Variants in SAXO1 observed in about 807,000 individuals in gnomAD.
SAXO1 encodes the protein stabilizer of axonemal microtubules 1.
A neutral mutation model predicts 17.5 loss-of-function variants in SAXO1; 21 were observed. That is an observed-to-expected ratio of 1.20 (90% CI 0.85 to 1.72). The LOEUF is 1.72. Ranked by LOEUF, SAXO1 falls within the 40% of genes most tolerant of loss-of-function variation. SAXO1 has a pLI of 0.00. For missense variants in SAXO1, 843 were observed against 596.0 expected (o/e 1.41, Z -4.32); for synonymous variants, 274 against 216.5 (o/e 1.27, Z -2.33).
At chr9:19,035,486 C>T (rs1048139503), upstream of SAXO1, among the ~76,000 whole-genome samples, 1 of 152,154 alleles carries the variant, frequency 6.6e-6, no homozygotes, top group African/African-American at 2.4e-5. Flanking sequence ...TGGACTAATA[C>T]AGTAAATTGG....
chr9:19,024,011 GCTT>G (rs1835364780), intron 1 of SAXO1, among the ~76,000 whole-genome samples: 2 of 72,426 alleles, frequency 2.8e-5, no homozygotes, highest in Admixed American at 1.5e-4. Context: ...ACTCTTTAAG[GCTT>G]TTTTTTTTTT....
chr9:18,944,429 C>A (rs147354065), intron 2 of SAXO1, among the ~76,000 whole-genome samples: 114 of 152,238 alleles, frequency 7.5e-4, no homozygotes, highest in Admixed American at 2.6e-3. Flanking sequence ...TTTAAATTCA[C>A]GTAAAAGAAA....
intron 1 of SAXO1, among the ~76,000 whole-genome samples, chr9:19,021,865 T>G (rs1312658018): frequency 6.6e-6 from 1 of 151,474 alleles, no homozygotes; most frequent in African/African-American, 2.4e-5. Context: ...CTCTGTAAAA[T>G]GGACCAATCA....
chr9:18,977,742 C>G (rs1195381672), intron 1 of SAXO1, among the ~76,000 whole-genome samples: 1 of 152,060 alleles, frequency 6.6e-6, no homozygotes, highest in African/African-American at 2.4e-5. Flanking sequence ...GGCTGTAAAT[C>G]CCAGCACTTT....
chr9:19,027,866 T>G (rs953332588), intron 1 of SAXO1: 152 of 1,358,056 alleles, frequency 1.1e-4, no homozygotes, highest in Non-Finnish European at 1.4e-4. Flanking sequence ...CCTGCTACGC[T>G]AGGGCGGCCT....
At chr9:19,022,772 C>A (rs1835302447) in intron 1 of SAXO1, among the ~76,000 whole-genome samples, 1 of 152,130 alleles carries the variant, frequency 6.6e-6, no homozygotes, top group African/African-American at 2.4e-5. Flanking sequence ...TGCTTAGCAG[C>A]TAATTTGACA....
chr9:18,938,289 G>A (rs1286871448), intron 3 of SAXO1, among the ~76,000 whole-genome samples: 2 of 152,160 alleles, frequency 1.3e-5, no homozygotes, highest in African/African-American at 4.8e-5. Context: ...CTGAGATTGG[G>A]TAATTTATAA....
intron 1 of SAXO1, among the ~76,000 whole-genome samples, chr9:19,019,183 T>G (rs2131012291): frequency 6.6e-6 from 1 of 152,326 alleles, no homozygotes; most frequent in Middle Eastern, 3.4e-3. Context: ...CAGCTTATTC[T>G]TCATATCACA....
At position 19,020,410 on chromosome 9, in the gene SAXO1, C is replaced by T. The variant is rs1287974421; in HGVS notation, c.38+12461G>A. On this transcript the variant is annotated intron_variant, in intron 1 of 3. Coordinates refer to ENST00000380534, the MANE Select transcript of SAXO1 (RefSeq NM_153707.4). ...CTGGGCTGGGATTCAGTGGTGCGATCTCAGCTCACTGCATCACTGCAACCT... is the reference window on the plus strand; with the variant it reads ...CTGGGCTGGGATTCAGTGGTGCGATTTCAGCTCACTGCATCACTGCAACCT... Among the ~76,000 whole-genome samples, 4 of 150,456 alleles carry T rather than the reference C, an allele frequency of 2.7e-5. No homozygotes were observed. In the East Asian group the frequency reaches 7.8e-4, roughly 29 times the overall value.
At chr9:18,986,662 GAA>G (rs34689797) in intron 1 of SAXO1, among the ~76,000 whole-genome samples, 17 of 152,006 alleles carry the variant, frequency 1.1e-4, no homozygotes, top group African/African-American at 4.1e-4. Flanking sequence ...AAGACTGAAA[GAA>G]AAGTTTACCT....
chr9:19,013,277 A>G (rs951501640), intron 1 of SAXO1, among the ~76,000 whole-genome samples: 1 of 152,212 alleles, frequency 6.6e-6, no homozygotes, highest in Non-Finnish European at 1.5e-5. Flanking sequence ...GTGCCTAAAG[A>G]TCTTCACCAC....
chr9:18,967,505 T>A (rs981144141), intron 1 of SAXO1, among the ~76,000 whole-genome samples: 1 of 152,112 alleles, frequency 6.6e-6, no homozygotes, highest in African/African-American at 2.4e-5. Context: ...CTGTTGGGGG[T>A]TCTAACCCAG....
At chr9:18,942,257 C>T (rs1831595686) in intron 2 of SAXO1, among the ~76,000 whole-genome samples, 1 of 152,180 alleles carries the variant, frequency 6.6e-6, no homozygotes, top group Admixed American at 6.5e-5. Flanking sequence ...ATGGCTTTCC[C>T]CAGTTTAAAA....
chr9:19,006,161 C>T (rs1416385665), intron 1 of SAXO1, among the ~76,000 whole-genome samples: 1 of 152,148 alleles, frequency 6.6e-6, no homozygotes, highest in Admixed American at 6.5e-5. Context: ...AATCCTAGTG[C>T]GTTGCTGGTG....
At chr9:18,935,438 G>A (rs904932828) in intron 3 of SAXO1, among the ~76,000 whole-genome samples, 1 of 152,152 alleles carries the variant, frequency 6.6e-6, no homozygotes, top group South Asian at 2.1e-4. Context: ...GGCCTAACTA[G>A]GGATGATTAG....
intron 1 of SAXO1, among the ~76,000 whole-genome samples, chr9:19,016,364 T>A (rs1486894411): frequency 2.0e-5 from 3 of 152,116 alleles, no homozygotes; most frequent in Non-Finnish European, 4.4e-5. Flanking sequence ...TGAACCCAGG[T>A]GGCGGAGGTT....
chr9:18,971,142 C>T (rs891510360), intron 1 of SAXO1, among the ~76,000 whole-genome samples: 12 of 152,232 alleles, frequency 7.9e-5, no homozygotes, highest in Admixed American at 2.0e-4. Flanking sequence ...GATTTTGCCC[C>T]GAGTGGGGCC....
rs1010884626 is a variant in SAXO1 at position 18,949,415 on chromosome 9, C to T, written c.218+1343G>A. On this transcript the variant is annotated intron_variant, in intron 2 of 3. Coordinates refer to ENST00000380534, the MANE Select transcript of SAXO1 (RefSeq NM_153707.4). Reference sequence around the variant, plus strand: ...GAGGCTGCACTGAGCGATGATCACACCATTGCACTCCAGCCATGGCTACAG... The same window carrying T: ...GAGGCTGCACTGAGCGATGATCACATCATTGCACTCCAGCCATGGCTACAG... Among the ~76,000 whole-genome samples the T allele has an allele frequency of 3.9e-5, 6 of 152,138 alleles. 1 individual carries two copies. The highest frequency in any genetic ancestry group is 1.4e-4 in the African/African-American group (6 of 41,416).
At chr9:18,994,555 A>G (rs1183489874) in intron 1 of SAXO1, among the ~76,000 whole-genome samples, 4 of 152,182 alleles carry the variant, frequency 2.6e-5, no homozygotes, top group Admixed American at 2.6e-4. Context: ...GGGTGTCACC[A>G]CTGAAGGATG....
Sources: allele counts gnomAD v4.1 joint callset (sites outside exome capture counted in the v4.1 genomes callset), GRCh38; gene constraint gnomAD v4.1.1; transcripts MANE v1.5; gene names NCBI Gene and HGNC (gene_info 2026-07-23, HGNC 2026-07-21).